Variants in STXBP5L observed in about 807,000 individuals in gnomAD.
STXBP5L encodes the protein syntaxin binding protein 5L, also known as syntaxin-binding protein 5-like.
In STXBP5L, 65 loss-of-function variants were observed where a neutral mutation model predicts 144.5. The observed-to-expected ratio is 0.45, with a 90% CI of 0.37 to 0.55. The LOEUF (loss-of-function observed/expected upper bound fraction) is 0.55. Among genes scored for constraint, STXBP5L ranks in the 20% least tolerant of loss-of-function variants. The pLI is 0.00. For missense variants in STXBP5L, 1,298 were observed against 1,405.5 expected (o/e 0.92, Z 1.22); for synonymous variants, 505 against 469.6 (o/e 1.08, Z -0.97).
intron 14 of STXBP5L, among the ~76,000 whole-genome samples, chr3:121,241,438 G>C (rs6438611): frequency 1 from 152,077 of 152,078 alleles, 76,038 homozygotes; most frequent in Non-Finnish European, 1. Context: ...ACACACACAA[G>C]TGTGGCCCCA....
At chr3:121,016,756 T>C (rs1049631570) in intron 3 of STXBP5L, among the ~76,000 whole-genome samples, 12 of 152,212 alleles carry the variant, frequency 7.9e-5, no homozygotes, top group Admixed American at 5.2e-4. Context: ...ATAATCTGAA[T>C]AGGCCTGTAT....
chr3:120,992,909 A>C (rs747138853), intron 3 of STXBP5L, among the ~76,000 whole-genome samples: 3 of 152,082 alleles, frequency 2.0e-5, no homozygotes, highest in Non-Finnish European at 4.4e-5. Flanking sequence ...ACTAATTTAC[A>C]CTGCCGCCAC....
At chr3:121,128,741 G>A (rs921045767) in intron 7 of STXBP5L, among the ~76,000 whole-genome samples, 1 of 152,034 alleles carries the variant, frequency 6.6e-6, no homozygotes, top group Non-Finnish European at 1.5e-5. Flanking sequence ...AGCTGACTGG[G>A]ATGTTGTTTG....
At chr3:121,347,622 CTT>C (rs1353825067) in intron 20 of STXBP5L, among the ~76,000 whole-genome samples, 2 of 152,158 alleles carry the variant, frequency 1.3e-5, no homozygotes, top group African/African-American at 4.8e-5. Flanking sequence ...TTTGTATCCT[CTT>C]TTATTTTCTT....
intron 14 of STXBP5L, among the ~76,000 whole-genome samples, chr3:121,247,144 A>G (rs1308339808): frequency 6.6e-6 from 1 of 152,196 alleles, no homozygotes; most frequent in Non-Finnish European, 1.5e-5. Context: ...CTCTCAAAAT[A>G]AAAAATCAGT....
chr3:121,065,092 T>G (rs2107643056), intron 5 of STXBP5L, among the ~76,000 whole-genome samples: 1 of 152,158 alleles, frequency 6.6e-6, no homozygotes, highest in South Asian at 2.1e-4. Context: ...TATGGCTGCA[T>G]AGTATTCTAT....
rs200429145 is a variant in STXBP5L, at chr3:120,960,909, T to TA, written c.287+5882dup. Among the ~76,000 whole-genome samples, 543 of 147,636 alleles carry TA rather than the reference T, an allele frequency of 3.7e-3. 5 individuals are homozygous for TA. The highest frequency in any genetic ancestry group is 0.011 in the African/African-American group (461 of 40,412). On this transcript the variant is annotated intron_variant, in intron 3 of 26. Transcript: ENST00000471454. ...ATGTACCCTAAAACTTAAAGTATAA[T>TA]AAAAAAAAAAGGAATTCAGCCATGA...
intron 5 of STXBP5L, among the ~76,000 whole-genome samples, chr3:121,085,636 T>A (rs1219766581): frequency 6.6e-6 from 1 of 151,914 alleles, no homozygotes; most frequent in East Asian, 1.9e-4. Flanking sequence ...CAAGGAGCAC[T>A]TCAAGAACTA....
intron 3 of STXBP5L, among the ~76,000 whole-genome samples, chr3:120,958,966 T>G (rs934195931): frequency 1.3e-5 from 2 of 152,186 alleles, no homozygotes; most frequent in African/African-American, 4.8e-5. Flanking sequence ...ATTCAAATTG[T>G]CCCTGTTTGC....
chr3:121,407,123 T>G, intron 22 of STXBP5L, 120 bp from the exon 23 acceptor site: 1 of 1,222,622 alleles, frequency 8.2e-7, no homozygotes, highest in East Asian at 2.5e-5. Flanking sequence ...TACAAATTCA[T>G]ATACATTAGG....
chr3:121,345,738 T>C (rs1451796327), intron 20 of STXBP5L, among the ~76,000 whole-genome samples: 1 of 152,138 alleles, frequency 6.6e-6, no homozygotes, highest in African/African-American at 2.4e-5. Context: ...GTGGTATTGA[T>C]TTGCATTTCT....
intron 20 of STXBP5L, among the ~76,000 whole-genome samples, chr3:121,348,082 T>C (rs1253924566): frequency 6.6e-6 from 1 of 152,196 alleles, no homozygotes; most frequent in Non-Finnish European, 1.5e-5. Flanking sequence ...CAGTATGATA[T>C]TGGCTGTGGG....
chr3:121,078,531 G>T (rs796448351), intron 5 of STXBP5L, among the ~76,000 whole-genome samples: 9 of 152,254 alleles, frequency 5.9e-5, no homozygotes, highest in African/African-American at 2.2e-4. Context: ...CCATGCGCCC[G>T]CACTCCTCAG....
chr3:121,398,021 A>G (rs796772278), intron 22 of STXBP5L, among the ~76,000 whole-genome samples: 7 of 152,326 alleles, frequency 4.6e-5, no homozygotes, highest in African/African-American at 1.7e-4. Flanking sequence ...GATTTACCCA[A>G]TAAGCAGCTT....
intron 5 of STXBP5L, among the ~76,000 whole-genome samples, chr3:121,049,897 G>A (rs957866141): frequency 2.0e-5 from 3 of 152,124 alleles, no homozygotes; most frequent in African/African-American, 4.8e-5. Flanking sequence ...TTGCATGTTT[G>A]TCTGGAAGCC....
intron 3 of STXBP5L, among the ~76,000 whole-genome samples, chr3:120,980,182 T>A (rs1019807212): frequency 1.3e-5 from 2 of 152,186 alleles, no homozygotes; most frequent in Non-Finnish European, 2.9e-5. Flanking sequence ...AACAGGAGAA[T>A]ATATATTGTG....
intron 5 of STXBP5L, among the ~76,000 whole-genome samples, chr3:121,082,781 CTTG>C (rs2042313044): frequency 6.6e-6 from 1 of 152,178 alleles, no homozygotes; most frequent in South Asian, 2.1e-4. Flanking sequence ...TCTGTTTCAG[CTTG>C]TTATTTAGTG....
intron 22 of STXBP5L, among the ~76,000 whole-genome samples, chr3:121,397,395 T>A (rs1293422647): frequency 6.6e-6 from 1 of 152,162 alleles, no homozygotes; most frequent in Non-Finnish European, 1.5e-5. Flanking sequence ...AAGGCGAAAA[T>A]GTTGGAGCTA....
chr3:121,374,339 G>T (rs540969096), intron 20 of STXBP5L, among the ~76,000 whole-genome samples: 1 of 152,198 alleles, frequency 6.6e-6, no homozygotes, highest in East Asian at 1.9e-4. Flanking sequence ...TTATAAAATT[G>T]GGAAAAGTGA....
Sources: allele counts gnomAD v4.1 joint callset (sites outside exome capture counted in the v4.1 genomes callset), GRCh38; gene constraint gnomAD v4.1.1; transcripts MANE v1.5; gene names NCBI Gene and HGNC (gene_info 2026-07-23, HGNC 2026-07-21).